The following DECR2 variants were observed in gnomAD, a reference collection of about 807,000 sequenced individuals.
DECR2 encodes 2,4-dienoyl-CoA reductase 2.
Under a neutral mutation model 29.2 loss-of-function variants are expected in DECR2, and 34 were observed. That is an observed-to-expected ratio of 1.16 (90% CI 0.89 to 1.55). DECR2 has a LOEUF of 1.55. Ranked by LOEUF, DECR2 falls within the 40% of genes most tolerant of loss-of-function variation. DECR2 has a pLI of 0.00. For synonymous variants in DECR2, 224 were observed against 182.7 expected, an observed-to-expected ratio of 1.23 and a Z score of -1.82; for missense variants, 485 against 425.3, an observed-to-expected ratio of 1.14 and a Z score of -1.23.
intron 1 of DECR2, 36 bp downstream of exon 1, chr16:402,079 G>A (rs2054672946): frequency 1.1e-5 from 15 of 1,315,124 alleles, no homozygotes; most frequent in African/African-American, 4.6e-5. Flanking sequence ...CAGCCTTGGT[G>A]CGGGGTCCGG....
intron 2 of DECR2, chr16:405,619 C>T (rs73494313): frequency 1.3e-4 from 169 of 1,302,744 alleles, no homozygotes; most frequent in Non-Finnish European, 1.6e-4. Flanking sequence ...CCAGAAGAGC[C>T]GAGAAACCAA....
intron 2 of DECR2, chr16:405,748 C>A: frequency 2.1e-6 from 1 of 486,172 alleles, no homozygotes. Flanking sequence ...TACCCCCAGG[C>A]CCAGGGCTTC....
intron 1 of DECR2, among the ~76,000 whole-genome samples, chr16:402,415 G>C (rs550324807): frequency 9.2e-5 from 14 of 151,882 alleles, no homozygotes; most frequent in African/African-American, 3.4e-4. Context: ...ATTTACAGGC[G>C]TGAGCCACCG....
chr16:410,673 G>T lies in DECR2; in HGVS notation c.463-18G>T, dbSNP rs3743895. The stretch of plus-strand genomic sequence containing the variant: ...CCGACACCCGCCCGCTCACTGCCCC[G>T]GGCCTTGTGTGTTGCAGGACCACGG... On this transcript the variant is annotated intron_variant, in intron 5 of 8. Transcript: ENST00000219481. The surrounding 1 kb of genome is among the most constrained non-coding windows in gnomAD (Gnocchi z 4.1). The T allele has an allele frequency of 6.3e-6, 10 of 1,591,550 alleles. No homozygotes were observed. Among genetic ancestry groups the T allele is most frequent in the Non-Finnish European group, 8.5e-6 (10 of 1,170,898 alleles).
chr16:407,786 CTG>C (rs2054745875), intron 4 of DECR2, among the ~76,000 whole-genome samples: 1 of 1,532 alleles, frequency 6.5e-4, no homozygotes, highest in Non-Finnish European at 2.0e-3. Flanking sequence ...CTCCGGGCCT[CTG>C]TCTCCGGGCT....
Position 408,053 on chromosome 16 carries a change from G to A in DECR2, c.337+493G>A, listed in dbSNP as rs1340117856. On this transcript the variant is annotated intron_variant, in intron 4 of 8. Transcript: ENST00000219481. ...CCCCTGTCTCCGGGCCTCTGTCTCCGGCCCTCTGTCTCCGGGCCCCTGTCT... is the reference window on the plus strand; with the variant it reads ...CCCCTGTCTCCGGGCCTCTGTCTCCAGCCCTCTGTCTCCGGGCCCCTGTCT... 1.2e-4 allele frequency among the ~76,000 whole-genome samples: 2 copies of A among 16,538 alleles called. 1 individual carries two copies. The highest frequency in any genetic ancestry group is 3.8e-4 in the African/African-American group (2 of 5,330). 10.8% of individuals were successfully genotyped at this position (16,538 alleles called of 152,430 possible).
chr16:404,482 C>T (rs1032341680), intron 1 of DECR2, among the ~76,000 whole-genome samples: 4 of 151,974 alleles, frequency 2.6e-5, no homozygotes, highest in South Asian at 2.1e-4. Context: ...TCAGGTGATC[C>T]GCCCGCCTTG....
chr16:410,287 A>G lies in DECR2; in HGVS notation c.382A>G (p.Asn128Asp), dbSNP rs769768839. The change falls in exon 5 of 9, where the codon AAC (asparagine) becomes GAC (aspartate). Residue 128 changes from asparagine to aspartate, a missense_variant. Asn to Asp is a conservative substitution (Grantham distance 23). Coordinates refer to ENST00000219481, the MANE Select transcript of DECR2 (RefSeq NM_020664.4). This position sits in a 1 kb window ranked among gnomAD's most constrained non-coding sequence, Gnocchi z 4.1. ...GTGCCCCGCTGGCGCCTTGTCCTTC[A>G]ACGCCTTCAAGACCGTGATGGACAT... ...FLCPAGALSF[N>D]AFKTVMDIDT... 9.3e-6 allele frequency: 15 copies of G among 1,613,442 alleles called. No individual in the cohort carries two copies. The highest frequency in any genetic ancestry group is 2.5e-6 in the Non-Finnish European group (3 of 1,179,882).
In DECR2 at chr16:407,494, C is replaced by G. The variant is rs2054740530; in HGVS notation, c.271C>G (p.Pro91Ala). 1.2e-6 allele frequency: 2 copies of G among 1,613,976 alleles called. No homozygotes were observed. The highest frequency in any genetic ancestry group is 2.2e-5 in the South Asian group (2 of 91,090). The stretch of plus-strand genomic sequence containing the variant: ...TCTCTCTATGGACGTCCGAGCGCCC[C>G]CAGCTGTCATGGCCGCCGTGGACCA... ...LPLSMDVRAPPAVMAAVDQAL... is the reference protein window; with the variant it reads ...LPLSMDVRAPAAVMAAVDQAL... Residue 91 changes from proline (P) to alanine (A), a missense_variant, in exon 4 of 9, where the codon CCA becomes GCA. Coordinates refer to ENST00000219481, the MANE Select transcript of DECR2 (RefSeq NM_020664.4).
chr16:406,558 T>C (rs1163931282), intron 3 of DECR2, 161 bp downstream of exon 3: 1 of 718,266 alleles, frequency 1.4e-6, no homozygotes, highest in Non-Finnish European at 2.3e-6. Context: ...AGTGTGGTGG[T>C]GCGATCTCGG....
intron 1 of DECR2, among the ~76,000 whole-genome samples, chr16:404,327 C>T (rs1284481443): frequency 6.6e-6 from 1 of 151,764 alleles, no homozygotes; most frequent in Admixed American, 6.6e-5. Flanking sequence ...CAACCTCCGC[C>T]TCCTGGGTTC....
At chr16:411,650 G>A (rs1224893619) in intron 8 of DECR2, 72 bp downstream of exon 8, 29 of 1,512,324 alleles carry the variant, frequency 1.9e-5, no homozygotes, top group Non-Finnish European at 8.1e-6. Flanking sequence ...GCAGGTCTCT[G>A]CGGGACCCAC....
At chr16:402,250 C>G (rs1052311138) in intron 1 of DECR2, among the ~76,000 whole-genome samples, 1 of 151,830 alleles carries the variant, frequency 6.6e-6, no homozygotes. Context: ...TCTCCGCTCA[C>G]TGCAAACTCT....
Position 410,868 on chromosome 16 carries a change from C to A in DECR2, c.556+84C>A. The A allele has an allele frequency of 6.6e-7, 1 of 1,524,254 alleles. No homozygotes were observed. The allele number at this position is 1,524,254 out of a possible 1,614,324, so 94.4% of individuals were successfully genotyped here. ...TTCCATCCCAGGAGGCCAGCAGTCT[C>A]CACTTGAAGCTGAGCCCAGCTGCAG... On this transcript the variant is annotated intron_variant, in intron 6 of 8. Coordinates refer to ENST00000219481, the MANE Select transcript of DECR2 (RefSeq NM_020664.4). This position sits in a 1 kb window ranked among gnomAD's most constrained non-coding sequence, Gnocchi z 4.1.
intron 1 of DECR2, 136 bp downstream of exon 1, chr16:402,179 C>CTTTTTTCTTTCT: frequency 1.8e-6 from 1 of 545,584 alleles, no homozygotes. Flanking sequence ...TTTTTTCTTT[C>CTTTTTTCTTTCT]TTTTTTTTTT....
Position 404,939 on chromosome 16 carries a change from T to G in DECR2, c.81-17T>G. ...CCAATAGGGCTCTTTTAAAAGAGCCTCCTTTTTTATTCTCAGGGACAAAGT... is the reference window on the plus strand; with the variant it reads ...CCAATAGGGCTCTTTTAAAAGAGCCGCCTTTTTTATTCTCAGGGACAAAGT... On this transcript the variant is annotated splice_polypyrimidine_tract_variant and intron_variant, in intron 1 of 8. Transcript: ENST00000219481. 6.2e-7 allele frequency: 1 copy of G among 1,613,908 alleles called. No individual in the cohort carries two copies. Among genetic ancestry groups the G allele is most frequent in the South Asian group, 1.1e-5 (1 of 91,082 alleles).
In DECR2 at chr16:411,377, C is replaced by T; in HGVS notation, c.678C>T (p.Ser226=). ...GLRRLGGPQA[S]LSTKVTASPL... is the part of the protein sequence containing the mutation. ...GCCCTCCAGGTGGCCCTCAGGCCAG[C>T]CTGAGCACCAAGGTCACTGCCAGCC... The change falls in exon 8 of 9, where the codon AGC becomes AGT. Residue 226 remains serine (S), a synonymous_variant. Coordinates refer to ENST00000219481, the MANE Select transcript of DECR2 (RefSeq NM_020664.4). 6.2e-7 allele frequency: 1 copy of T among 1,609,100 alleles called. No homozygotes were observed. The highest frequency in any genetic ancestry group is 8.5e-7 in the Non-Finnish European group (1 of 1,179,482).
At chr16:403,583 C>T (rs557854110) in intron 1 of DECR2, among the ~76,000 whole-genome samples, 2 of 152,202 alleles carry the variant, frequency 1.3e-5, no homozygotes, top group Non-Finnish European at 2.9e-5. Context: ...GTATTTTTCT[C>T]TCTTGTATCT....
intron 1 of DECR2, chr16:403,052 GAAA>G: frequency 2.5e-6 from 2 of 787,402 alleles, no homozygotes; most frequent in Non-Finnish European, 3.1e-6. Context: ...TGTTCTGCAG[GAAA>G]AAAAAAAAGT....
Sources: gnomAD v4.1 joint callset for allele counts (sites outside exome capture counted in the v4.1 genomes callset) on GRCh38, gnomAD v4.1.1 for gene constraint, Gnocchi (gnomAD v3.1) non-coding constraint, MANE v1.5 for transcripts, NCBI Gene and HGNC (gene_info 2026-07-23, HGNC 2026-07-21) for gene names.